Variants in NPR3 observed in about 807,000 individuals in gnomAD.
The protein encoded by NPR3 is natriuretic peptide receptor 3, also known as atrial natriuretic peptide receptor 3.
In NPR3, 34 loss-of-function variants were observed where a neutral mutation model predicts 54.5. The ratio of observed to expected loss-of-function variants is 0.62; its 90% CI spans 0.47 to 0.83. The LOEUF (loss-of-function observed/expected upper bound fraction) is 0.83. Ranked by LOEUF, NPR3 falls within the 40% of genes least tolerant of loss-of-function variation. NPR3 has a pLI of 0.00. For missense variants in NPR3, 674 were observed against 720.8 expected, an observed-to-expected ratio of 0.94 and a Z score of 0.74; for synonymous variants, 289 against 297.1, an observed-to-expected ratio of 0.97 and a Z score of 0.28.
intron 1 of NPR3, among the ~76,000 whole-genome samples, chr5:32,698,412 T>C (rs1253405250): frequency 6.6e-6 from 1 of 152,034 alleles, no homozygotes; most frequent in Non-Finnish European, 1.5e-5. Context: ...GCTTAACATA[T>C]GGTCTTTTCT....
upstream of NPR3, among the ~76,000 whole-genome samples, chr5:32,707,741 G>T (rs1738033847): frequency 1.3e-5 from 2 of 152,292 alleles, no homozygotes; most frequent in South Asian, 4.1e-4. Flanking sequence ...AGAGGTTGCA[G>T]CCAGGATGCC....
At chr5:32,706,600 G>A (rs1358862041), upstream of NPR3, among the ~76,000 whole-genome samples, 1 of 152,198 alleles carries the variant, frequency 6.6e-6, no homozygotes, top group Non-Finnish European at 1.5e-5. Context: ...GTCTGGGAAA[G>A]TTTCGCCAGA....
At chr5:32,723,633 T>C (rs1738982182) in intron 1 of NPR3, among the ~76,000 whole-genome samples, 1 of 152,224 alleles carries the variant, frequency 6.6e-6, no homozygotes, top group Non-Finnish European at 1.5e-5. Context: ...CAGTTGACAA[T>C]TTTCACTATC....
At chr5:32,743,987 A>ATTTTTTTTTTTT (rs199604802) in intron 3 of NPR3, among the ~76,000 whole-genome samples, 1 of 113,834 alleles carries the variant, frequency 8.8e-6, no homozygotes, top group African/African-American at 3.5e-5. Flanking sequence ...ATTCTGATGC[A>ATTTTTTTTTTTT]TTTTTTTTTT....
At chr5:32,736,197 C>T (rs1739734118) in intron 2 of NPR3, among the ~76,000 whole-genome samples, 1 of 142,794 alleles carries the variant, frequency 7.0e-6, no homozygotes, top group Non-Finnish European at 1.5e-5. Flanking sequence ...TGCCACTGCC[C>T]TCCAGCCTGG....
chr5:32,732,186 A>G (rs1739493782), intron 2 of NPR3, among the ~76,000 whole-genome samples: 1 of 135,914 alleles, frequency 7.4e-6, no homozygotes, highest in Non-Finnish European at 1.5e-5. Context: ...GCTTGCAGTG[A>G]GCCGAGATTG....
chr5:32,771,607 A>G (rs990519274), intron 3 of NPR3, among the ~76,000 whole-genome samples: 6 of 152,136 alleles, frequency 3.9e-5, no homozygotes, highest in Non-Finnish European at 2.9e-5. Context: ...GATCAACATC[A>G]ACGTGGTGGT....
chr5:32,736,213 A>T (rs74932583), intron 2 of NPR3, among the ~76,000 whole-genome samples: 4,683 of 144,962 alleles, frequency 0.032, 92 homozygotes, highest in Middle Eastern at 0.085. Flanking sequence ...CCTGGGTGAC[A>T]GAGAGACACT....
chr5:32,724,538 G>T (rs1168868831), intron 1 of NPR3, among the ~76,000 whole-genome samples, 160 bp from the exon 2 acceptor site: 1 of 152,148 alleles, frequency 6.6e-6, no homozygotes, highest in Non-Finnish European at 1.5e-5. Flanking sequence ...CGTCTGCTAG[G>T]TTCCTCCATG....
chr5:32,705,243 A>C (rs113008760), upstream of NPR3, among the ~76,000 whole-genome samples: 11 of 152,368 alleles, frequency 7.2e-5, no homozygotes, highest in African/African-American at 2.2e-4. Context: ...CATTCTGAGA[A>C]AGGACAAGAT....
In NPR3 at chr5:32,711,453, C is replaced by T. The variant is rs960737389; in HGVS notation, c.-324C>T. 4 of 1,080,754 alleles carry T rather than the reference C, an allele frequency of 3.7e-6. No homozygotes were observed. The highest frequency in any genetic ancestry group is 4.5e-6 in the Non-Finnish European group (4 of 893,772). 66.9% of individuals were successfully genotyped at this position (1,080,754 alleles called of 1,614,324 possible). A position where few individuals can be genotyped will look rare whatever the true frequency, so the allele number is the denominator to read the frequency against. ...TTAGCAACGCCCAAATAAGAAGCCA[C>T]CTCTAAGCAAAATAGTATATGTATA... On this transcript the variant is annotated 5_prime_UTR_variant, in exon 1 of 8. Coordinates refer to ENST00000265074, the MANE Select transcript of NPR3 (RefSeq NM_001204375.2).
chr5:32,692,329 T>G (rs1329709303), intron 1 of NPR3, among the ~76,000 whole-genome samples: 1 of 152,170 alleles, frequency 6.6e-6, no homozygotes, highest in African/African-American at 2.4e-5. Flanking sequence ...ACAACAGGAT[T>G]CAGGTTAAAA....
chr5:32,761,386 T>C (rs1294326656), intron 3 of NPR3, among the ~76,000 whole-genome samples: 1 of 152,186 alleles, frequency 6.6e-6, no homozygotes, highest in Non-Finnish European at 1.5e-5. Context: ...GTAAAGATCC[T>C]GCACATTTCT....
At chr5:32,723,910 C>T (rs1054599054) in intron 1 of NPR3, among the ~76,000 whole-genome samples, 4 of 152,014 alleles carry the variant, frequency 2.6e-5, no homozygotes, top group African/African-American at 7.3e-5. Flanking sequence ...CCTTTCTTCT[C>T]CTCTTTTCTA....
chr5:32,774,051 T>C (rs1741908200), intron 3 of NPR3, among the ~76,000 whole-genome samples: 2 of 152,214 alleles, frequency 1.3e-5, no homozygotes, highest in African/African-American at 4.8e-5. Context: ...AAGCCTGTTT[T>C]CCATTCCTGT....
intron 2 of NPR3, among the ~76,000 whole-genome samples, chr5:32,736,239 A>AAAAG (rs1489476486): frequency 6.7e-6 from 1 of 148,568 alleles, no homozygotes; most frequent in African/African-American, 2.5e-5. Flanking sequence ...TCAAAAAAAA[A>AAAAG]AAAAAAAAAG....
At position 32,724,743 on chromosome 5, in the gene NPR3, T is replaced by A. The variant is rs768886771; in HGVS notation, c.815T>A (p.Leu272Gln). The change falls in exon 2 of 8, where the codon CTG becomes CAG. Residue 272 changes from leucine to glutamine, a missense_variant. Physicochemically the swap from Leu to Gln is moderately radical, Grantham distance 113. Coordinates refer to ENST00000265074, the MANE Select transcript of NPR3 (RefSeq NM_001204375.2). ...AGTGACACCATCCGGAGCATCATGCTGGTGGCGCACAGGCATGGCATGACC... is the reference window on the plus strand; with the variant it reads ...AGTGACACCATCCGGAGCATCATGCAGGTGGCGCACAGGCATGGCATGACC... ...ASSDTIRSIM[L>Q]VAHRHGMTSG... 2 of 1,613,972 alleles carry A rather than the reference T, an allele frequency of 1.2e-6. No individual in the cohort carries two copies. The highest frequency in any genetic ancestry group is 1.1e-5 in the South Asian group (1 of 91,074).
chr5:32,717,171 A>G (rs1225983789), intron 1 of NPR3, among the ~76,000 whole-genome samples: 1 of 152,158 alleles, frequency 6.6e-6, no homozygotes, highest in Non-Finnish European at 1.5e-5. Context: ...TTTCCCTGCA[A>G]AGGACATGAA....
intron 1 of NPR3, among the ~76,000 whole-genome samples, chr5:32,693,270 CTT>C (rs1193938150): frequency 6.6e-6 from 1 of 152,146 alleles, no homozygotes; most frequent in Non-Finnish European, 1.5e-5. Flanking sequence ...TGAATTATCT[CTT>C]TTTTCCTTTT....
Sources: gnomAD v4.1 joint callset for allele counts (sites outside exome capture counted in the v4.1 genomes callset) on GRCh38, gnomAD v4.1.1 for gene constraint, MANE v1.5 for transcripts, NCBI Gene and HGNC (gene_info 2026-07-23, HGNC 2026-07-21) for gene names.